DMD: variants seen among roughly 807,000 people sequenced by gnomAD.
DMD encodes dystrophin, also known as mutant dystrophin.
DMD carries 63 observed loss-of-function variants against 330.1 expected under a neutral mutation model. The ratio of observed to expected loss-of-function variants is 0.19; its 90% CI spans 0.16 to 0.24. The LOEUF (loss-of-function observed/expected upper bound fraction) is 0.24. Ranked by LOEUF, DMD falls within the 10% of genes least tolerant of loss-of-function variation. DMD has a pLI of 1.00. For synonymous variants in DMD, 1,223 were observed against 959.8 expected, an observed-to-expected ratio of 1.27 and a Z score of -5.07; for missense variants, 3,344 against 2,684.1, an observed-to-expected ratio of 1.25 and a Z score of -5.43.
intron 44 of DMD, among the ~76,000 whole-genome samples, chrX:32,069,603 AG>A (rs1325669037): frequency 8.9e-6 from 1 of 112,043 alleles, no homozygotes; most frequent in Non-Finnish European, 1.9e-5. Flanking sequence ...AAGCAGTAAA[AG>A]AAATTTCAAT....
chrX:32,246,950 A>G (rs1016311836), intron 43 of DMD, among the ~76,000 whole-genome samples: 19 of 111,149 alleles, frequency 1.7e-4, no homozygotes, highest in African/African-American at 5.9e-4. Flanking sequence ...AGCTAAATGC[A>G]CACACACCCA....
At chrX:32,360,665 T>A (rs906959195) in intron 37 of DMD, among the ~76,000 whole-genome samples, 9 of 108,653 alleles carry the variant, frequency 8.3e-5, no homozygotes, top group African/African-American at 2.7e-4. Flanking sequence ...CGCCCGCCCG[T>A]AATCCCAGCT....
intron 67 of DMD, among the ~76,000 whole-genome samples, chrX:31,199,983 G>A (rs980609085): frequency 2.7e-5 from 3 of 111,911 alleles, no homozygotes; most frequent in South Asian, 3.7e-4. Context: ...CAAGGTGACC[G>A]CCAGTGCACC....
intron 7 of DMD, among the ~76,000 whole-genome samples, chrX:32,737,036 T>A (rs2068598777): frequency 1.8e-5 from 2 of 111,179 alleles, no homozygotes; most frequent in South Asian, 7.5e-4. Context: ...AATATCATGC[T>A]CATAAATAGA....
chrX:31,910,470 G>C (rs1483621720), intron 47 of DMD, among the ~76,000 whole-genome samples: 1 of 112,345 alleles, frequency 8.9e-6, no homozygotes, highest in Non-Finnish European at 1.9e-5. Flanking sequence ...CTCCCAAGGA[G>C]TGGGGAGGAC....
chrX:31,520,308 TAGTG>T (rs1273539815), intron 55 of DMD, among the ~76,000 whole-genome samples: 15 of 110,539 alleles, frequency 1.4e-4, no homozygotes, highest in Non-Finnish European at 2.6e-4. Flanking sequence ...TCCCATGTGA[TAGTG>T]AGTGAGTTCT....
chrX:32,464,973 C>A (rs1011299085), intron 23 of DMD, among the ~76,000 whole-genome samples: 20 of 111,745 alleles, frequency 1.8e-4, no homozygotes, highest in Non-Finnish European at 1.9e-5. Context: ...TAAATCATAT[C>A]CCCCTCTAGA....
intron 42 of DMD, among the ~76,000 whole-genome samples, chrX:32,298,773 G>C (rs2097508343): frequency 9.0e-6 from 1 of 110,797 alleles, no homozygotes; most frequent in Admixed American, 9.6e-5. Flanking sequence ...ATGTCAAGTT[G>C]GGAGCATAGA....
At chrX:31,931,378 A>G (rs775408753) in intron 46 of DMD, among the ~76,000 whole-genome samples, 1 of 110,668 alleles carries the variant, frequency 9.0e-6, no homozygotes, top group Admixed American at 9.7e-5. Context: ...CAGTCAGCCA[A>G]GGGAAGTAAT....
intron 29 of DMD, among the ~76,000 whole-genome samples, chrX:32,426,777 A>T (rs1218955715): frequency 8.9e-6 from 1 of 111,946 alleles, no homozygotes; most frequent in Non-Finnish European, 1.9e-5. Flanking sequence ...CTACGCAGCC[A>T]CAAAAAGAAG....
chrX:32,250,644 A>G (rs1004098537), intron 43 of DMD, among the ~76,000 whole-genome samples: 3 of 112,032 alleles, frequency 2.7e-5, no homozygotes, highest in Non-Finnish European at 1.9e-5. Flanking sequence ...GGGAGAAGGC[A>G]TTGCATTCGC....
intron 11 of DMD, among the ~76,000 whole-genome samples, chrX:32,621,711 C>T (rs911974840): frequency 1.8e-5 from 2 of 110,243 alleles, no homozygotes; most frequent in African/African-American, 6.6e-5. Context: ...TGTGTGCAAA[C>T]GGGATGGCTC....
At chrX:32,031,802 TAGG>T (rs993808931) in intron 44 of DMD, among the ~76,000 whole-genome samples, 1 of 112,021 alleles carries the variant, frequency 8.9e-6, no homozygotes, top group African/African-American at 3.2e-5. Flanking sequence ...TTCATTTTTA[TAGG>T]AGTTTTACTC....
At position 32,573,515 on chromosome X, in the gene DMD, C is replaced by A; in HGVS notation, c.1812+15G>T. 8.4e-7 allele frequency: 1 copy of A among 1,184,756 alleles called. No homozygotes were observed. The highest frequency in any genetic ancestry group is 1.1e-6 in the Non-Finnish European group (1 of 871,619). ...TGGGTTTTTATAAGACCATTGAAAG[C>A]TAGAAAGTACATACGGCCAGTTTTT... is the stretch of plus-strand genomic sequence containing the variant. On this transcript the variant is annotated intron_variant, in intron 15 of 78. Transcript: ENST00000357033.
rs374298104 is a variant in DMD, at chrX:31,341,891, G to GCGCGCGCGCGCGCACACACACA, written c.9163+6664_9163+6665insTGTGTGTGTGCGCGCGCGCGCG. Among the ~76,000 whole-genome samples the GCGCGCGCGCGCGCACACACACA allele has an allele frequency of 7.1e-5, 7 of 98,892 alleles. No homozygotes were observed. In the East Asian group the frequency reaches 1.3e-3, roughly 19 times the overall value. 85.9% of individuals were successfully genotyped at this position (98,892 alleles called of 115,157 possible). On this transcript the variant is annotated intron_variant, in intron 61 of 78. Coordinates refer to ENST00000357033, the MANE Select transcript of DMD (RefSeq NM_004006.3). ...GGCGTGCGCGCGTGCGTGCGCGCGCGCACACACACACACACACACACACAC... is the reference window on the plus strand; with the variant it reads ...GGCGTGCGCGCGTGCGTGCGCGCGCGCGCGCGCGCGCGCACACACACACACACACACACACACACACACACAC...
chrX:31,968,654 A>G, intron 44 of DMD, 140 bp from the exon 45 acceptor site: 2 of 661,297 alleles, frequency 3.0e-6, no homozygotes, highest in Non-Finnish European at 4.7e-6. Context: ...TTTCCCTATG[A>G]AACTGACATG....
chrX:32,815,450 A>T (rs964549181), intron 6 of DMD, among the ~76,000 whole-genome samples: 1 of 102,802 alleles, frequency 9.7e-6, no homozygotes, highest in African/African-American at 3.6e-5. Flanking sequence ...GAAGACCAAA[A>T]TAAAGTGACT....
At position 32,288,838 on chromosome X, in the gene DMD, T is replaced by C. The variant is rs186201135; in HGVS notation, c.6118-1137A>G. Reference sequence around the variant, plus strand: ...TATGGTACACCTGTTATTAGTCTCGTCAGCTGTTTTTGAGTTTTTTCCTGC... The same window carrying C: ...TATGGTACACCTGTTATTAGTCTCGCCAGCTGTTTTTGAGTTTTTTCCTGC... On this transcript the variant is annotated intron_variant, in intron 42 of 78. Coordinates refer to ENST00000357033, the MANE Select transcript of DMD (RefSeq NM_004006.3). Among the ~76,000 whole-genome samples the C allele has an allele frequency of 1.5e-3, 164 of 111,742 alleles. 1 individual carries two copies. Among genetic ancestry groups the C allele is most frequent in the Non-Finnish European group, 1.8e-3 (93 of 53,122 alleles).
At chrX:31,314,228 G>T (rs2055781269) in intron 62 of DMD, among the ~76,000 whole-genome samples, 1 of 112,390 alleles carries the variant, frequency 8.9e-6, no homozygotes, top group Non-Finnish European at 1.9e-5. Flanking sequence ...TTAGCACATA[G>T]TAGGCACACA....
Sources: gnomAD v4.1 joint callset for allele counts (sites outside exome capture counted in the v4.1 genomes callset) on GRCh38, gnomAD v4.1.1 for gene constraint, MANE v1.5 for transcripts, NCBI Gene and HGNC (gene_info 2026-07-23, HGNC 2026-07-21) for gene names.